The following RYR3 variants were observed in gnomAD, a reference collection of about 807,000 sequenced individuals.
RYR3 encodes the protein brain ryanodine receptor-calcium release channel.
A neutral mutation model predicts 584.3 loss-of-function variants in RYR3; 207 were observed. The ratio of observed to expected loss-of-function variants is 0.35; its 90% CI spans 0.32 to 0.40. The LOEUF is 0.40. Among genes scored for constraint, RYR3 ranks in the 10% least tolerant of loss-of-function variants. The pLI, the probability that RYR3 is intolerant of heterozygous loss-of-function variation, is 1.00. For synonymous variants in RYR3, 2,416 were observed against 2,248.5 expected, an observed-to-expected ratio of 1.07 and a Z score of -2.11; for missense variants, 5,616 against 6,089.2, an observed-to-expected ratio of 0.92 and a Z score of 2.59.
intron 55 of RYR3, 79 bp downstream of exon 55, chr15:33,748,609 G>A (rs2070980837): frequency 6.8e-6 from 8 of 1,172,616 alleles, no homozygotes; most frequent in Non-Finnish European, 8.7e-6. Flanking sequence ...GGGGAAAAAA[G>A]GGAAAGAATG....
At chr15:33,857,629 T>G (rs2153007658) in intron 98 of RYR3, 151 bp from the exon 99 acceptor site, 1 of 871,970 alleles carries the variant, frequency 1.1e-6, no homozygotes, top group Middle Eastern at 2.3e-4. Flanking sequence ...GCTCATGGCC[T>G]GATAGCTTTC....
chr15:33,507,169 T>C (rs575467996), intron 3 of RYR3, among the ~76,000 whole-genome samples: 2 of 152,376 alleles, frequency 1.3e-5, no homozygotes, highest in East Asian at 3.9e-4. Flanking sequence ...TGACTTCAGC[T>C]GTTTACTCAC....
chr15:33,489,649 A>G (rs2050798986), intron 2 of RYR3, among the ~76,000 whole-genome samples: 1 of 152,210 alleles, frequency 6.6e-6, no homozygotes, highest in South Asian at 2.1e-4. Context: ...ACTATTGTGA[A>G]TAGTGCTACA....
At chr15:33,768,026 A>T (rs942119206) in intron 60 of RYR3, among the ~76,000 whole-genome samples, 5 of 152,368 alleles carry the variant, frequency 3.3e-5, no homozygotes, top group Non-Finnish European at 4.4e-5. Flanking sequence ...GGAGAGTCAA[A>T]AAACACAAAA....
intron 1 of RYR3, among the ~76,000 whole-genome samples, chr15:33,349,375 C>T (rs531930373): frequency 6.6e-6 from 1 of 152,206 alleles, no homozygotes; most frequent in South Asian, 2.1e-4. Context: ...AAAGTGGCTG[C>T]ACCATTTTGA....
rs537760932 is a variant in RYR3 at position 33,390,032 on chromosome 15, C to A, written c.51+78936C>A. ...ATGCTGATTAGTTTCCAATTTCTAT[C>A]ATTTCAGGTATGTAAATTATTGCTG... On this transcript the variant is annotated intron_variant, in intron 1 of 103. Transcript: ENST00000634891. This position sits in a 1 kb window ranked among gnomAD's most constrained non-coding sequence, Gnocchi z 4.2. 6.6e-6 allele frequency among the ~76,000 whole-genome samples: 1 copy of A among 152,284 alleles called. No homozygotes were observed. Among genetic ancestry groups the A allele is most frequent in the South Asian group, 2.1e-4 (1 of 4,820 alleles).
intron 1 of RYR3, among the ~76,000 whole-genome samples, chr15:33,318,571 T>C (rs907954): frequency 0.092 from 14,039 of 152,172 alleles, 1,202 homozygotes; most frequent in African/African-American, 0.22. Context: ...ACCGCATTGG[T>C]GCTTGGGGAA....
chr15:33,621,014 T>A (rs539670192), intron 19 of RYR3, among the ~76,000 whole-genome samples: 1 of 152,354 alleles, frequency 6.6e-6, no homozygotes, highest in South Asian at 2.1e-4. Context: ...TTAGAGAAGA[T>A]GAGATTCAGA....
chr15:33,379,687 C>CTCTCTCTCTATATATATATATATATATA, intron 1 of RYR3, among the ~76,000 whole-genome samples: 5 of 125,514 alleles, frequency 4.0e-5, no homozygotes, highest in African/African-American at 1.4e-4. Flanking sequence ...CTCTCTCTCT[C>CTCTCTCTCTATATATATATATATATATA]TATATATATA....
At chr15:33,384,482 T>A (rs1446254997) in intron 1 of RYR3, among the ~76,000 whole-genome samples, 2 of 62,210 alleles carry the variant, frequency 3.2e-5, no homozygotes, top group Non-Finnish European at 7.4e-5. Flanking sequence ...TATTATATTT[T>A]ATATTATAAT....
intron 1 of RYR3, among the ~76,000 whole-genome samples, chr15:33,432,258 G>GA (rs1190290137): frequency 6.6e-6 from 1 of 152,094 alleles, no homozygotes; most frequent in Admixed American, 6.5e-5. Context: ...CTACAGGAGG[G>GA]AAAAAACCAA....
At chr15:33,517,507 C>G (rs1567427481) in intron 3 of RYR3, among the ~76,000 whole-genome samples, 1 of 152,190 alleles carries the variant, frequency 6.6e-6, no homozygotes. Context: ...AAATTCGCAT[C>G]TCTTTAAAAT....
At chr15:33,664,793 AAT>A (rs1190108775) in intron 36 of RYR3, among the ~76,000 whole-genome samples, 1 of 151,960 alleles carries the variant, frequency 6.6e-6, no homozygotes, top group Non-Finnish European at 1.5e-5. Context: ...AAGTGTTGTC[AAT>A]ATAGTTACCA....
In RYR3 at chr15:33,579,988, C is replaced by T; in HGVS notation, c.1281C>T (p.Arg427=). Residue 427 remains arginine (R), a synonymous_variant, in exon 13 of 104, where the codon CGC becomes CGT. Coordinates refer to ENST00000634891, the MANE Select transcript of RYR3 (RefSeq NM_001036.6). ...TCATGGTTTTTAGCGGAAACAATCG[C>T]ACAGCTGCCCCCATCACCCTGCCTA... ...LFSQFVSGNN[R]TAAPITLPIE... is the part of the protein sequence containing the mutation. 6.2e-7 allele frequency: 1 copy of T among 1,608,830 alleles called. No homozygotes were observed. The highest frequency in any genetic ancestry group is 1.1e-5 in the South Asian group (1 of 90,188).
intron 1 of RYR3, among the ~76,000 whole-genome samples, chr15:33,347,649 G>A (rs941690786): frequency 1.5e-4 from 23 of 151,920 alleles, no homozygotes; most frequent in African/African-American, 2.7e-4. Context: ...GGGTTTCACC[G>A]TGTTATCCAG....
chr15:33,315,932 G>A (rs1221650649), intron 1 of RYR3, among the ~76,000 whole-genome samples: 2 of 152,182 alleles, frequency 1.3e-5, no homozygotes, highest in East Asian at 1.9e-4. Flanking sequence ...CTGAGGTCAA[G>A]GGATAGGTTT....
intron 52 of RYR3, among the ~76,000 whole-genome samples, chr15:33,745,029 C>G (rs1258574246): frequency 6.6e-6 from 1 of 152,058 alleles, no homozygotes; most frequent in East Asian, 1.9e-4. Flanking sequence ...TTGCAGTAAC[C>G]CCAGTGAGAG....
At chr15:33,323,907 G>T (rs1320047854) in intron 1 of RYR3, among the ~76,000 whole-genome samples, 1 of 152,166 alleles carries the variant, frequency 6.6e-6, no homozygotes, top group Non-Finnish European at 1.5e-5. Context: ...GCTGGAAGAG[G>T]CTCCCGGATC....
Position 33,663,751 on chromosome 15 carries a change from C to A in RYR3, c.5619+14C>A. ...CCACAGGAGCAGGTGAGGGTCCTTC[C>A]TGAGCCTCTGTCCAGTTCCTATGGA... On this transcript the variant is annotated intron_variant, in intron 36 of 103. Transcript: ENST00000634891. 6.3e-7 allele frequency: 1 copy of A among 1,588,340 alleles called. No homozygotes were observed. The highest frequency in any genetic ancestry group is 8.6e-7 in the Non-Finnish European group (1 of 1,167,590).
Sources: allele counts gnomAD v4.1 joint callset (sites outside exome capture counted in the v4.1 genomes callset), GRCh38; gene constraint gnomAD v4.1.1; non-coding constraint Gnocchi (gnomAD v3.1); transcripts MANE v1.5; gene names NCBI Gene and HGNC (gene_info 2026-07-23, HGNC 2026-07-21).